CSMD1: variants seen among roughly 807,000 people sequenced by gnomAD.
CSMD1 encodes the protein CUB and sushi domain-containing protein 1.
CSMD1 carries 213 observed loss-of-function variants against 417.5 expected under a neutral mutation model. The observed-to-expected ratio is 0.51, with a 90% CI of 0.46 to 0.57. CSMD1 has a LOEUF of 0.57. Among genes scored for constraint, CSMD1 ranks in the 20% least tolerant of loss-of-function variants. CSMD1 has a pLI of 0.00. For missense variants in CSMD1, 6,923 were observed against 4,529.7 expected, an observed-to-expected ratio of 1.53 and a Z score of -15.17; for synonymous variants, 2,862 against 1,736.8, an observed-to-expected ratio of 1.65 and a Z score of -16.11.
intron 36 of CSMD1, among the ~76,000 whole-genome samples, chr8:3,185,647 T>TCA (rs1821703280): frequency 6.6e-6 from 1 of 152,228 alleles, no homozygotes; most frequent in African/African-American, 2.4e-5. Flanking sequence ...AGGCTTAATA[T>TCA]GAGGTTGCTG....
intron 3 of CSMD1, among the ~76,000 whole-genome samples, chr8:4,306,619 A>C (rs1033873104): frequency 2.0e-5 from 3 of 152,090 alleles, no homozygotes; most frequent in Admixed American, 6.6e-5. Context: ...GGCCTCTTCA[A>C]TCTCATTCAC....
At chr8:4,205,813 G>A (rs1799945785) in intron 3 of CSMD1, among the ~76,000 whole-genome samples, 2 of 151,980 alleles carry the variant, frequency 1.3e-5, no homozygotes, top group Non-Finnish European at 2.9e-5. Flanking sequence ...GGGTAAAAAT[G>A]GAAAATTCTC....
chr8:4,431,532 C>T (rs1223216397), intron 2 of CSMD1, among the ~76,000 whole-genome samples: 2 of 151,438 alleles, frequency 1.3e-5, no homozygotes, highest in Non-Finnish European at 2.9e-5. Context: ...TTTATAACAC[C>T]CGACCCTGAT....
intron 3 of CSMD1, among the ~76,000 whole-genome samples, chr8:4,331,955 T>A (rs989371660): frequency 6.6e-6 from 1 of 152,208 alleles, no homozygotes; most frequent in Non-Finnish European, 1.5e-5. Context: ...GCATTGGAAT[T>A]CATTTTCATT....
chr8:4,425,474 A>C (rs1481358118), intron 2 of CSMD1, among the ~76,000 whole-genome samples: 1 of 152,074 alleles, frequency 6.6e-6, no homozygotes, highest in African/African-American at 2.4e-5. Context: ...TCAAGAGCTA[A>C]ATTTGTGATT....
chr8:3,703,798 T>A (rs2129038011), intron 7 of CSMD1, among the ~76,000 whole-genome samples: 1 of 152,190 alleles, frequency 6.6e-6, no homozygotes, highest in Middle Eastern at 3.4e-3. Context: ...CAGCTGGGCA[T>A]GGTGGCTCAT....
chr8:3,325,443 T>C (rs770467944), intron 23 of CSMD1, among the ~76,000 whole-genome samples: 1 of 152,256 alleles, frequency 6.6e-6, no homozygotes, highest in Admixed American at 6.5e-5. Flanking sequence ...ACATTATTTA[T>C]GTCATCCTCC....
intron 27 of CSMD1, among the ~76,000 whole-genome samples, chr8:3,226,108 G>A (rs1798486922): frequency 6.6e-6 from 1 of 152,108 alleles, no homozygotes; most frequent in Admixed American, 6.6e-5. Flanking sequence ...CACCGTTGGG[G>A]GCGATAAATA....
At chr8:3,789,999 G>A (rs564408606) in intron 5 of CSMD1, among the ~76,000 whole-genome samples, 1 of 152,216 alleles carries the variant, frequency 6.6e-6, no homozygotes, top group African/African-American at 2.4e-5. Context: ...CCAAAGTGCT[G>A]GGATTACAGG....
intron 3 of CSMD1, among the ~76,000 whole-genome samples, chr8:4,106,435 G>T (rs1390074512): frequency 2.0e-5 from 3 of 152,030 alleles, no homozygotes; most frequent in African/African-American, 7.3e-5. Flanking sequence ...AAACTCTATA[G>T]AATTTTACAC....
At chr8:3,575,305 C>A (rs189303939) in intron 9 of CSMD1, among the ~76,000 whole-genome samples, 1 of 152,196 alleles carries the variant, frequency 6.6e-6, no homozygotes, top group East Asian at 1.9e-4. Flanking sequence ...TTCCCAAAGG[C>A]CTATCCACTC....
At chr8:3,148,445 G>A (rs1818982337) in intron 40 of CSMD1, among the ~76,000 whole-genome samples, 1 of 152,142 alleles carries the variant, frequency 6.6e-6, no homozygotes, top group Non-Finnish European at 1.5e-5. Context: ...AATTGAACAG[G>A]AGAATCTGAC....
At chr8:4,908,129 G>A (rs1170543044) in intron 1 of CSMD1, among the ~76,000 whole-genome samples, 2 of 152,196 alleles carry the variant, frequency 1.3e-5, no homozygotes, top group East Asian at 1.9e-4. Context: ...ATTTTGCTGG[G>A]TACAGAATTC....
chr8:4,119,155 C>G (rs1279523348), intron 3 of CSMD1, among the ~76,000 whole-genome samples: 1 of 152,012 alleles, frequency 6.6e-6, no homozygotes, highest in Non-Finnish European at 1.5e-5. Context: ...GGCTTAAAAC[C>G]TAGATGATGG....
intron 3 of CSMD1, among the ~76,000 whole-genome samples, chr8:4,393,176 A>G (rs1253118273): frequency 6.6e-6 from 1 of 151,992 alleles, no homozygotes; most frequent in Non-Finnish European, 1.5e-5. Flanking sequence ...AAGTTTCACC[A>G]TGTTGCCCAG....
intron 2 of CSMD1, among the ~76,000 whole-genome samples, chr8:4,471,055 T>C (rs1800502907): frequency 6.6e-6 from 1 of 152,192 alleles, no homozygotes; most frequent in African/African-American, 2.4e-5. Flanking sequence ...TCTAATTTCC[T>C]CATTAATAAA....
intron 1 of CSMD1, among the ~76,000 whole-genome samples, chr8:4,919,875 T>C (rs1026729538): frequency 1.3e-4 from 20 of 152,094 alleles, no homozygotes; most frequent in Non-Finnish European, 2.6e-4. Context: ...GAGCATTCCT[T>C]CCCTCCAGAG....
chr8:4,973,664 A>G (rs73497729), intron 1 of CSMD1, among the ~76,000 whole-genome samples: 15 of 152,274 alleles, frequency 9.9e-5, no homozygotes, highest in African/African-American at 3.6e-4. Context: ...ATTGAAGAAT[A>G]ATACCCATTC....
At chr8:4,069,579 G>A (rs970546578) in intron 3 of CSMD1, among the ~76,000 whole-genome samples, 1 of 152,156 alleles carries the variant, frequency 6.6e-6, no homozygotes, top group African/African-American at 2.4e-5. Flanking sequence ...CCATGCAGAT[G>A]TATCTTGGGC....
Sources: gnomAD v4.1 joint callset for allele counts (sites outside exome capture counted in the v4.1 genomes callset) on GRCh38, gnomAD v4.1.1 for gene constraint, MANE v1.5 for transcripts, NCBI Gene and HGNC (gene_info 2026-07-23, HGNC 2026-07-21) for gene names.